Variants in EVC observed in about 807,000 individuals in gnomAD.
The protein encoded by EVC is evC complex member EVC.
Under a neutral mutation model 118.9 loss-of-function variants are expected in EVC, and 116 were observed. The observed-to-expected ratio is 0.98, with a 90% CI of 0.84 to 1.14. The LOEUF (loss-of-function observed/expected upper bound fraction) is 1.14, where lower values mean the gene tolerates loss of function less well. EVC is among the 50% of genes most tolerant of loss of function. EVC has a pLI of 0.00. For synonymous variants in EVC, 619 were observed against 534.7 expected (o/e 1.16, Z -2.18); for missense variants, 1,401 against 1,246.4 (o/e 1.12, Z -1.87).
chr4:5,799,603 G>A (rs1179778264), intron 15 of EVC, among the ~76,000 whole-genome samples: 2 of 152,146 alleles, frequency 1.3e-5, no homozygotes, highest in African/African-American at 2.4e-5. Context: ...CACCTCGCTC[G>A]CTTCAGGCCA....
chr4:5,721,121 CCT>C (rs1425206938), intron 2 of EVC, among the ~76,000 whole-genome samples: 1 of 152,100 alleles, frequency 6.6e-6, no homozygotes, highest in Non-Finnish European at 1.5e-5. Flanking sequence ...CTCTTCCCCT[CCT>C]CTCTCTCTAC....
chr4:5,801,253 A>G (rs78862337), intron 15 of EVC, among the ~76,000 whole-genome samples: 4,044 of 152,272 alleles, frequency 0.027, 53 homozygotes, highest in Middle Eastern at 0.078. Context: ...CTGACCCTGC[A>G]TTCTTGCTGT....
the EVC span, chr4:5,821,669 A>T: frequency 3.2e-6 from 4 of 1,264,696 alleles, no homozygotes; most frequent in African/African-American, 5.9e-5. This position sits in a 1 kb window ranked among gnomAD's most constrained non-coding sequence, Gnocchi z 4.4. Flanking sequence ...ATCAGCACCA[A>T]CTAAAACTGT....
At position 5,793,700 on chromosome 4, in the gene EVC, G is replaced by A. The variant is rs1235735730; in HGVS notation, c.1869G>A (p.Leu623=). The A allele has an allele frequency of 5.2e-6, 8 of 1,550,346 alleles. No individual in the cohort carries two copies. Among genetic ancestry groups the A allele is most frequent in the African/African-American group, 4.1e-5 (3 of 73,090 alleles). Residue 623 remains leucine, a synonymous_variant, in exon 13 of 21, where the codon CTG becomes CTA. Transcript: ENST00000264956. ...EGTIRGVLGR[L]GGLTEESTRC... is the part of the protein sequence containing the mutation. ...CCATCCGCGGCGTCTTGGGCCGACT[G>A]GGCGGCCTCACTGAAGAGTGAGTAC...
Position 5,754,066 on chromosome 4 carries a change from G to T in EVC, c.1464+133G>T. ...CCTACTTCCCATGTGTCAGCCGAGT[G>T]ACCGAATCTCAGTCCCTTAGCCCCT... is the stretch of plus-strand genomic sequence containing the variant. On this transcript the variant is annotated intron_variant, in intron 10 of 20. Coordinates refer to ENST00000264956, the MANE Select transcript of EVC (RefSeq NM_153717.3). The surrounding 1 kb of genome is among the most constrained non-coding windows in gnomAD (Gnocchi z 5.8). 1 of 1,194,880 alleles carries T rather than the reference G, an allele frequency of 8.4e-7. No homozygotes were observed. The highest frequency in any genetic ancestry group is 1.2e-6 in the Non-Finnish European group (1 of 824,248). 74.0% of individuals were successfully genotyped at this position (1,194,880 alleles called of 1,614,324 possible).
intron 1 of EVC, among the ~76,000 whole-genome samples, chr4:5,716,171 A>G (rs953356280): frequency 1.3e-5 from 2 of 152,240 alleles, no homozygotes; most frequent in African/African-American, 4.8e-5. Flanking sequence ...CCAAGCCAGG[A>G]GGACTAGGCA....
At chr4:5,822,229 T>A in the EVC span, among the ~76,000 whole-genome samples, 9,063 of 152,312 alleles carry the variant, frequency 0.06, 549 homozygotes, top group African/African-American at 0.15. Context: ...AGGGGGTGTT[T>A]GTACTCCCAA....
At chr4:5,726,569 T>TTTC (rs1553864293) in intron 2 of EVC, among the ~76,000 whole-genome samples, 5 of 820 alleles carry the variant, frequency 6.1e-3, no homozygotes, top group Admixed American at 0.019. Context: ...TTCTCTTTTC[T>TTTC]TTTTTTTTTT....
At chr4:5,825,267 C>T in the EVC span, 33 of 985,254 alleles carry the variant, frequency 3.3e-5, no homozygotes, top group African/African-American at 5.8e-4. This position sits in a 1 kb window ranked among gnomAD's most constrained non-coding sequence, Gnocchi z 4.4. Flanking sequence ...TGTAAACCCA[C>T]ATCAGGTACC....
chr4:5,771,930 C>G (rs1734039142), intron 11 of EVC, among the ~76,000 whole-genome samples: 1 of 151,728 alleles, frequency 6.6e-6, no homozygotes, highest in Non-Finnish European at 1.5e-5. Flanking sequence ...AGACGTCTCA[C>G]TCTGTCGCCC....
rs1451481781 is a variant in EVC, at chr4:5,749,919, C to T, written c.1098+1613C>T. On this transcript the variant is annotated intron_variant, in intron 8 of 20. Coordinates refer to ENST00000264956, the MANE Select transcript of EVC (RefSeq NM_153717.3). This position sits in a 1 kb window ranked among gnomAD's most constrained non-coding sequence, Gnocchi z 4.4. Reference sequence around the variant, plus strand: ...TCCACAGACCACAGCATCGGCAACACTGGGAGCTGGTTAGAGTGCAGAATC... The same window carrying T: ...TCCACAGACCACAGCATCGGCAACATTGGGAGCTGGTTAGAGTGCAGAATC... Among the ~76,000 whole-genome samples the T allele has an allele frequency of 6.6e-6, 1 of 152,188 alleles. No individual in the cohort carries two copies. Among genetic ancestry groups the T allele is most frequent in the African/African-American group, 2.4e-5 (1 of 41,458 alleles).
chr4:5,760,540 G>T (rs374338440), intron 11 of EVC, among the ~76,000 whole-genome samples: 9 of 152,064 alleles, frequency 5.9e-5, no homozygotes, highest in African/African-American at 1.9e-4. Flanking sequence ...ACATCTGTGT[G>T]GGTGTTTTTT....
intron 8 of EVC, among the ~76,000 whole-genome samples, chr4:5,752,300 G>A (rs917853692): frequency 6.6e-6 from 1 of 152,078 alleles, no homozygotes; most frequent in Non-Finnish European, 1.5e-5. Context: ...TCCCTGAAAT[G>A]ATGAGGTGGG....
chr4:5,744,838 G>C (rs1208658709), intron 6 of EVC, among the ~76,000 whole-genome samples: 1 of 152,094 alleles, frequency 6.6e-6, no homozygotes, highest in African/African-American at 2.4e-5. Context: ...CTGGGGTGTT[G>C]TTCTTTCCCA....
intron 16 of EVC, among the ~76,000 whole-genome samples, chr4:5,802,459 A>C (rs1248253002): frequency 1.3e-5 from 2 of 152,180 alleles, no homozygotes; most frequent in African/African-American, 4.8e-5. Context: ...TGAGAGGGAA[A>C]TGGTTTCAGA....
At chr4:5,727,870 A>G (rs1726121847) in intron 2 of EVC, among the ~76,000 whole-genome samples, 2 of 145,018 alleles carry the variant, frequency 1.4e-5, no homozygotes, top group Admixed American at 6.9e-5. Flanking sequence ...TTTGTCAAAG[A>G]TCAGATAGTT....
chr4:5,751,909 G>A (rs907798462), intron 8 of EVC, among the ~76,000 whole-genome samples: 1 of 152,292 alleles, frequency 6.6e-6, no homozygotes, highest in South Asian at 2.1e-4. Flanking sequence ...GCAGGACAGG[G>A]CCCCACAGAA....
chr4:5,822,108 C>A, the EVC span, among the ~76,000 whole-genome samples: 32 of 152,358 alleles, frequency 2.1e-4, no homozygotes, highest in African/African-American at 7.5e-4. Flanking sequence ...CCAGTAAAAT[C>A]CGACATTCCT....
Position 5,719,271 on chromosome 4 carries a change from C to G in EVC, c.198C>G (p.Leu66=), listed in dbSNP as rs1339960327. The part of the protein sequence containing the change: ...RHQKDDTQNL[L]KNLESNAQTP... ...AGAAAGACGACACTCAAAATCTGCT[C>G]AAGAATTTGGAGTCTAATGCGCAGA... The change falls in exon 2 of 21, where the codon CTC becomes CTG. Residue 66 remains leucine (L), a synonymous_variant. Transcript: ENST00000264956. This position sits in a 1 kb window ranked among gnomAD's most constrained non-coding sequence, Gnocchi z 4.7. The G allele has an allele frequency of 6.2e-7, 1 of 1,614,098 alleles. No homozygotes were observed. Among genetic ancestry groups the G allele is most frequent in the Non-Finnish European group, 8.5e-7 (1 of 1,180,028 alleles).
Sources: allele counts gnomAD v4.1 joint callset (sites outside exome capture counted in the v4.1 genomes callset), GRCh38; gene constraint gnomAD v4.1.1; non-coding constraint Gnocchi (gnomAD v3.1); transcripts MANE v1.5; gene names NCBI Gene and HGNC (gene_info 2026-07-23, HGNC 2026-07-21).